Variants in WWC2 observed in about 807,000 individuals in gnomAD.
The protein encoded by WWC2 is WW and C2 domain containing 2, also known as protein WWC2.
In WWC2, 101 loss-of-function variants were observed where a neutral mutation model predicts 138.5. The observed-to-expected ratio is 0.73, with a 90% CI of 0.62 to 0.86. The LOEUF (loss-of-function observed/expected upper bound fraction) is 0.86. Among genes scored for constraint, WWC2 ranks in the 40% least tolerant of loss-of-function variants. The pLI is 0.00. For synonymous variants in WWC2, 558 were observed against 538.4 expected (o/e 1.04, Z -0.50); for missense variants, 1,420 against 1,419.4 (o/e 1.00, Z -0.01).
intron 1 of WWC2, among the ~76,000 whole-genome samples, chr4:183,158,163 G>A (rs997669962): frequency 1.3e-5 from 2 of 152,094 alleles, no homozygotes; most frequent in African/African-American, 4.8e-5. Flanking sequence ...GCTTATAGCA[G>A]AAACTTGAGA....
At chr4:183,209,994 C>T (rs1361109438) in intron 4 of WWC2, among the ~76,000 whole-genome samples, 7 of 152,178 alleles carry the variant, frequency 4.6e-5, no homozygotes, top group Admixed American at 1.3e-4. Context: ...GACTGGATAC[C>T]GTATGTGTTA....
At chr4:183,257,208 TA>T (rs144921056) in intron 9 of WWC2, among the ~76,000 whole-genome samples, 2,840 of 152,296 alleles carry the variant, frequency 0.019, 49 homozygotes, top group Middle Eastern at 0.024. Flanking sequence ...CAAGACGTCT[TA>T]ATTGTTTCTT....
intron 1 of WWC2, among the ~76,000 whole-genome samples, chr4:183,166,115 A>G (rs1195055065): frequency 1.3e-5 from 2 of 152,148 alleles, no homozygotes; most frequent in Admixed American, 6.5e-5. Context: ...ATTTTGTCCT[A>G]CATTCTTTTT....
intron 2 of WWC2, among the ~76,000 whole-genome samples, chr4:183,206,943 T>C (rs1735463704): frequency 6.6e-6 from 1 of 152,242 alleles, no homozygotes; most frequent in African/African-American, 2.4e-5. Flanking sequence ...TTGTGGCCCC[T>C]ACTGTAGCTT....
At chr4:183,153,702 G>A (rs1267943623) in intron 1 of WWC2, among the ~76,000 whole-genome samples, 2 of 145,560 alleles carry the variant, frequency 1.4e-5, no homozygotes, top group African/African-American at 2.6e-5. Context: ...TTGGAGTGCA[G>A]TGGCGCAATC....
At chr4:183,169,251 T>C (rs1229494602) in intron 1 of WWC2, among the ~76,000 whole-genome samples, 2 of 152,256 alleles carry the variant, frequency 1.3e-5, no homozygotes, top group East Asian at 1.9e-4. Context: ...CATGAAACTT[T>C]TAATTTTGCT....
At chr4:183,173,970 G>A (rs1264197502) in intron 1 of WWC2, among the ~76,000 whole-genome samples, 3 of 152,098 alleles carry the variant, frequency 2.0e-5, no homozygotes, top group Non-Finnish European at 4.4e-5. Flanking sequence ...TTCTGTTAAG[G>A]CACTCCCAGA....
At chr4:183,247,965 C>G (rs1736852515) in intron 6 of WWC2, among the ~76,000 whole-genome samples, 1 of 151,440 alleles carries the variant, frequency 6.6e-6, no homozygotes, top group South Asian at 2.1e-4. Context: ...TAGGATTACC[C>G]TAGGGTTTCC....
intron 12 of WWC2, 53 bp downstream of exon 12, chr4:183,265,160 A>T: frequency 1.3e-6 from 2 of 1,565,846 alleles, no homozygotes; most frequent in Non-Finnish European, 1.7e-6. Flanking sequence ...ATCGCCGTGG[A>T]TGTGGGTTAT....
At chr4:183,276,559 CTT>C (rs1737862013) in intron 16 of WWC2, among the ~76,000 whole-genome samples, 1 of 152,098 alleles carries the variant, frequency 6.6e-6, no homozygotes, top group South Asian at 2.1e-4. Context: ...TTTTCAAAGA[CTT>C]TAACTCCATT....
intron 1 of WWC2, among the ~76,000 whole-genome samples, chr4:183,134,146 C>CT (rs149597431): frequency 0.037 from 5,653 of 151,532 alleles, 122 homozygotes; most frequent in African/African-American, 0.052. Context: ...GTCTCTCTTG[C>CT]TTTTTTTTGT....
Position 183,317,400 on chromosome 4 carries a change from T to G in WWC2, c.*1671T>G, listed in dbSNP as rs576433600. 93 of 152,768 alleles carry G rather than the reference T, an allele frequency of 6.1e-4. No homozygotes were observed. The highest frequency in any genetic ancestry group is 2.1e-3 in the African/African-American group (86 of 41,580). 9.5% of individuals were successfully genotyped at this position (152,768 alleles called of 1,614,324 possible). A position where few individuals can be genotyped will look rare whatever the true frequency, so the allele number is the denominator to read the frequency against. On this transcript the variant is annotated 3_prime_UTR_variant, in exon 23 of 23. Transcript: ENST00000403733. ...ATAACTGGACATGGCAGACACTGCT[T>G]TGAACAAAAACCAGCCTAGTGAATT...
At chr4:183,182,045 A>G (rs1194189859) in intron 1 of WWC2, among the ~76,000 whole-genome samples, 1 of 152,212 alleles carries the variant, frequency 6.6e-6, no homozygotes, top group Non-Finnish European at 1.5e-5. Flanking sequence ...CTACATATGT[A>G]TATATTTATT....
At chr4:183,184,359 A>T (rs1162941095) in intron 1 of WWC2, among the ~76,000 whole-genome samples, 1 of 152,022 alleles carries the variant, frequency 6.6e-6, no homozygotes, top group Admixed American at 6.6e-5. Context: ...ATATACCACA[A>T]TTTTTTTATC....
At chr4:183,283,080 C>T (rs965431729) in intron 18 of WWC2, among the ~76,000 whole-genome samples, 174 bp downstream of exon 18, 11 of 152,084 alleles carry the variant, frequency 7.2e-5, no homozygotes, top group Non-Finnish European at 8.8e-5. Context: ...AATGCTTTAA[C>T]GTTTTAAAAT....
intron 1 of WWC2, among the ~76,000 whole-genome samples, chr4:183,131,501 G>T (rs980207481): frequency 6.6e-6 from 1 of 152,004 alleles, no homozygotes; most frequent in East Asian, 1.9e-4. Context: ...CCTAGATGGG[G>T]TTTTTGTTTT....
intron 4 of WWC2, among the ~76,000 whole-genome samples, chr4:183,228,129 C>T (rs1028329722): frequency 1.3e-5 from 2 of 151,894 alleles, no homozygotes; most frequent in Non-Finnish European, 2.9e-5. Flanking sequence ...AAAAGATATA[C>T]CAATCAAATC....
intron 11 of WWC2, among the ~76,000 whole-genome samples, chr4:183,262,091 G>C (rs1027220905): frequency 1.3e-5 from 2 of 152,198 alleles, no homozygotes; most frequent in East Asian, 3.8e-4. Context: ...TTGCAGCCCC[G>C]GGAAGGGATT....
chr4:183,205,496 A>G (rs945992892), intron 2 of WWC2, among the ~76,000 whole-genome samples: 2 of 152,088 alleles, frequency 1.3e-5, no homozygotes, highest in African/African-American at 4.8e-5. Context: ...ATTATGGGCC[A>G]TATTTTTGTG....
Sources: gnomAD v4.1 joint callset for allele counts (sites outside exome capture counted in the v4.1 genomes callset) on GRCh38, gnomAD v4.1.1 for gene constraint, MANE v1.5 for transcripts, NCBI Gene and HGNC (gene_info 2026-07-23, HGNC 2026-07-21) for gene names.